TNNI3K: variants seen among roughly 807,000 people sequenced by gnomAD.
TNNI3K encodes serine/threonine-protein kinase TNNI3K.
A neutral mutation model predicts 114.5 loss-of-function variants in TNNI3K; 140 were observed. The ratio of observed to expected loss-of-function variants is 1.22; its 90% CI spans 1.07 to 1.41. The LOEUF (loss-of-function observed/expected upper bound fraction) is 1.41. TNNI3K is among the 40% of genes most tolerant of loss of function. TNNI3K has a pLI of 0.00. For missense variants in TNNI3K, 1,125 were observed against 1,007.6 expected (o/e 1.12, Z -1.58); for synonymous variants, 347 against 347.5 (o/e 1.00, Z 0.02).
chr1:74,367,980 G>T lies in TNNI3K; in HGVS notation c.1321+16G>T, dbSNP rs1662368573. On this transcript the variant is annotated intron_variant, in intron 13 of 24. Transcript: ENST00000326637. ...ATGACAAAAGGTACCTATAATCTGG[G>T]ACAATTGTTATATTTAATTACTAAG... is the stretch of plus-strand genomic sequence containing the variant. 6.5e-7 allele frequency: 1 copy of T among 1,541,964 alleles called. No individual in the cohort carries two copies. Among genetic ancestry groups the T allele is most frequent in the South Asian group, 1.3e-5 (1 of 77,466 alleles).
At chr1:74,328,969 T>C (rs752969255) in intron 5 of TNNI3K, among the ~76,000 whole-genome samples, 1 of 152,132 alleles carries the variant, frequency 6.6e-6, no homozygotes, top group African/African-American at 2.4e-5. Flanking sequence ...CCCAGGCATG[T>C]GAAGCCTAAA....
intron 4 of TNNI3K, among the ~76,000 whole-genome samples, chr1:74,263,731 G>T (rs1655808002): frequency 6.6e-6 from 1 of 151,862 alleles, no homozygotes; most frequent in South Asian, 2.1e-4. Flanking sequence ...TTTGAGGAAT[G>T]GCCAGATCAG....
At chr1:74,338,392 A>T (rs1660587834) in intron 7 of TNNI3K, among the ~76,000 whole-genome samples, 2 of 152,006 alleles carry the variant, frequency 1.3e-5, no homozygotes, top group Non-Finnish European at 2.9e-5. Flanking sequence ...TACTATAGGT[A>T]TTGAAAAATT....
At chr1:74,262,982 A>G (rs182335443) in intron 4 of TNNI3K, among the ~76,000 whole-genome samples, 21 of 152,158 alleles carry the variant, frequency 1.4e-4, no homozygotes, top group East Asian at 3.9e-4. Flanking sequence ...CTTCCTCTAT[A>G]TTAGCGGTCA....
intron 21 of TNNI3K, among the ~76,000 whole-genome samples, chr1:74,479,025 G>A (rs796087845): frequency 5.3e-5 from 8 of 152,294 alleles, no homozygotes; most frequent in African/African-American, 1.9e-4. Flanking sequence ...CTGATTAAAA[G>A]TGTAATTGTC....
At chr1:74,478,507 A>G (rs1403655129) in intron 21 of TNNI3K, among the ~76,000 whole-genome samples, 2 of 152,214 alleles carry the variant, frequency 1.3e-5, no homozygotes, top group South Asian at 4.1e-4. Context: ...AAATTGCTCT[A>G]TTATAATATT....
intron 23 of TNNI3K, among the ~76,000 whole-genome samples, chr1:74,536,827 T>C (rs1225289900): frequency 1.3e-5 from 2 of 152,138 alleles, no homozygotes; most frequent in East Asian, 3.9e-4. Context: ...GCATTTACTT[T>C]TGTTGAATTC....
rs568326709 is a variant in TNNI3K, at chr1:74,445,325, T to G, written c.2011+5703T>G. 6.0e-3 allele frequency among the ~76,000 whole-genome samples: 860 copies of G among 142,256 alleles called. 11 individuals are homozygous for G. The highest frequency in any genetic ancestry group is 0.021 in the African/African-American group (810 of 38,016). 93.3% of individuals were successfully genotyped at this position (142,256 alleles called of 152,430 possible). On this transcript the variant is annotated intron_variant, in intron 20 of 24. Transcript: ENST00000326637. ...GTGCTGGTGCGCTGCACCCACTAACTCGTCATCTAGCATTAGGTATATCTC... is the reference window on the plus strand; with the variant it reads ...GTGCTGGTGCGCTGCACCCACTAACGCGTCATCTAGCATTAGGTATATCTC...
intron 11 of TNNI3K, among the ~76,000 whole-genome samples, chr1:74,362,001 G>A (rs1048685231): frequency 2.0e-5 from 3 of 152,032 alleles, no homozygotes; most frequent in Admixed American, 6.6e-5. Context: ...TGGGTCAAAG[G>A]GGATGTGAGT....
At chr1:74,296,779 A>G (rs1033999619) in intron 5 of TNNI3K, among the ~76,000 whole-genome samples, 1 of 152,192 alleles carries the variant, frequency 6.6e-6, no homozygotes, top group Non-Finnish European at 1.5e-5. Flanking sequence ...TATTTGTGTC[A>G]AGCAACCAAT....
At chr1:74,255,208 G>T (rs1655199857) in intron 4 of TNNI3K, among the ~76,000 whole-genome samples, 1 of 151,934 alleles carries the variant, frequency 6.6e-6, no homozygotes, top group Non-Finnish European at 1.5e-5. Flanking sequence ...CAAAAAATTA[G>T]CCGGGCGTAG....
At chr1:74,382,312 T>G (rs571556857) in intron 17 of TNNI3K, among the ~76,000 whole-genome samples, 1 of 152,296 alleles carries the variant, frequency 6.6e-6, no homozygotes, top group Non-Finnish European at 1.5e-5. Flanking sequence ...TGTCTACCTT[T>G]TCACAGAAAT....
chr1:74,516,117 G>T (rs1646344104), intron 23 of TNNI3K, among the ~76,000 whole-genome samples: 1 of 152,140 alleles, frequency 6.6e-6, no homozygotes, highest in Admixed American at 6.6e-5. Context: ...GGTCTGAAGT[G>T]CAAATCATCC....
chr1:74,292,168 G>A (rs1031207937), intron 5 of TNNI3K, among the ~76,000 whole-genome samples: 3 of 151,062 alleles, frequency 2.0e-5, no homozygotes, highest in African/African-American at 7.3e-5. Context: ...GCAATTTTGT[G>A]TCTTTGCAAA....
chr1:74,410,975 G>A (rs1664851910), intron 17 of TNNI3K, among the ~76,000 whole-genome samples: 1 of 152,160 alleles, frequency 6.6e-6, no homozygotes, highest in Non-Finnish European at 1.5e-5. Flanking sequence ...GTGGATTATT[G>A]TGGAAATAAT....
chr1:74,511,288 G>A (rs1475810849), intron 23 of TNNI3K, among the ~76,000 whole-genome samples: 1 of 152,048 alleles, frequency 6.6e-6, no homozygotes, highest in Non-Finnish European at 1.5e-5. Flanking sequence ...TGCCTCCCGG[G>A]TTCAAGCAAT....
Position 74,448,540 on chromosome 1 carries a change from C to T in TNNI3K, c.2011+8918C>T, listed in dbSNP as rs1276981565. Among the ~76,000 whole-genome samples, 99 of 145,406 alleles carry T rather than the reference C, an allele frequency of 6.8e-4. 2 individuals are homozygous for T. Among genetic ancestry groups the T allele is most frequent in the African/African-American group, 2.4e-3 (88 of 37,368 alleles). ...GAGAGAGGGCATCCCTGTCTTGTGC[C>T]GGTTTTCAAAGGGAATGCTTCCAGT... On this transcript the variant is annotated intron_variant, in intron 20 of 24. Transcript: ENST00000326637.
Position 74,249,478 on chromosome 1 carries a change from A to G in TNNI3K, c.169A>G (p.Lys57Glu). Reference sequence around the variant, plus strand: ...TTTCAGCTCTGATGAAGCCTTCAGTAAAGTCAATTTAAATTACCGCACTGA... The same window carrying G: ...TTTCAGCTCTGATGAAGCCTTCAGTGAAGTCAATTTAAATTACCGCACTGA... ...NIFGSDEAFS[K>E]VNLNYRTENG... The change falls in exon 3 of 25, where the codon AAA becomes GAA. Residue 57 changes from lysine to glutamate, a missense_variant. Physicochemically the swap from Lys to Glu is moderately conservative, Grantham distance 56. Coordinates refer to ENST00000326637, the MANE Select transcript of TNNI3K (RefSeq NM_015978.3). 1 of 1,613,658 alleles carries G rather than the reference A, an allele frequency of 6.2e-7. No individual in the cohort carries two copies. The highest frequency in any genetic ancestry group is 8.5e-7 in the Non-Finnish European group (1 of 1,179,788).
rs191200673 is a variant in TNNI3K, at chr1:74,403,778, T to G, written c.1773-32302T>G. On this transcript the variant is annotated intron_variant, in intron 17 of 24. Transcript: ENST00000326637. ...GGAACTTCTGCTCCTTGTTAAGAAT[T>G]CTTGTACATAGTTAATGAGAAACAT... Among the ~76,000 whole-genome samples the G allele has an allele frequency of 4.0e-3, 614 of 152,256 alleles. 6 individuals are homozygous for G. Among genetic ancestry groups the G allele is most frequent in the African/African-American group, 0.014 (585 of 41,558 alleles).
Sources: gnomAD v4.1 joint callset for allele counts (sites outside exome capture counted in the v4.1 genomes callset) on GRCh38, gnomAD v4.1.1 for gene constraint, MANE v1.5 for transcripts, NCBI Gene and HGNC (gene_info 2026-07-23, HGNC 2026-07-21) for gene names.